The following RANBP9 variants were observed in gnomAD, a reference collection of about 807,000 sequenced individuals.
RANBP9 encodes the protein ran-binding protein 9.
Under a neutral mutation model 84.3 loss-of-function variants are expected in RANBP9, and 15 were observed. That is an observed-to-expected ratio of 0.18 (90% CI 0.12 to 0.27). RANBP9 has a LOEUF of 0.27. Among genes scored for constraint, RANBP9 ranks in the 10% least tolerant of loss-of-function variants. The pLI is 1.00. For synonymous variants in RANBP9, 392 were observed against 349.6 expected (o/e 1.12, Z -1.35); for missense variants, 809 against 912.8 (o/e 0.89, Z 1.46).
Position 13,658,795 on chromosome 6 carries a change from T to C in RANBP9, c.721A>G (p.Met241Val). 1 of 1,575,394 alleles carries C rather than the reference T, an allele frequency of 6.3e-7. No individual in the cohort carries two copies. Among genetic ancestry groups the C allele is most frequent in the Non-Finnish European group, 8.7e-7 (1 of 1,144,938 alleles). Residue 241 changes from methionine (M) to valine (V), a missense_variant, in exon 3 of 14, where the codon ATG (methionine) becomes GTG (valine). Physicochemically the swap from Met to Val is conservative, Grantham distance 21. Coordinates refer to ENST00000011619, the MANE Select transcript of RANBP9 (RefSeq NM_005493.3). ...GIGLSAQGVN[M>V]NRLPGWDKHS... is the part of the protein sequence containing the mutation. ...ACAAGTGTACCTGGTAGTCTATTCATGTTCACACCTTGAGCAGAAAGACCA... is the reference window on the plus strand; with the variant it reads ...ACAAGTGTACCTGGTAGTCTATTCACGTTCACACCTTGAGCAGAAAGACCA...
chr6:13,624,156 G>A (rs889953429), intron 13 of RANBP9, among the ~76,000 whole-genome samples: 11 of 151,972 alleles, frequency 7.2e-5, no homozygotes, highest in African/African-American at 1.5e-4. Context: ...CCTAAATTCC[G>A]GAGAACTACA....
chr6:13,705,868 C>CAAAAAAAAAAAAAAAAAAAAAA lies in RANBP9; in HGVS notation c.571+5066_571+5067insTTTTTTTTTTTTTTTTTTTTTT, dbSNP rs767070995. ...TGGGCGACAGAGCAAGACTCCGTCT[C>CAAAAAAAAAAAAAAAAAAAAAA]AAAAAAAAAAAAAAAAAAGAAACAT... On this transcript the variant is annotated intron_variant, in intron 1 of 13. Coordinates refer to ENST00000011619, the MANE Select transcript of RANBP9 (RefSeq NM_005493.3). 5.1e-3 allele frequency among the ~76,000 whole-genome samples: 390 copies of CAAAAAAAAAAAAAAAAAAAAAA among 76,610 alleles called. 3 individuals are homozygous for CAAAAAAAAAAAAAAAAAAAAAA. Among genetic ancestry groups the CAAAAAAAAAAAAAAAAAAAAAA allele is most frequent in the Middle Eastern group, 6.9e-3 (1 of 144 alleles). The allele number at this position is 76,610 out of a possible 152,430, so 50.3% of individuals were successfully genotyped here.
intron 2 of RANBP9, among the ~76,000 whole-genome samples, chr6:13,671,945 CCTCCAGAAAAA>C (rs1482494433): frequency 6.6e-6 from 1 of 152,072 alleles, no homozygotes; most frequent in Non-Finnish European, 1.5e-5. Context: ...GGTCACAACA[CCTCCAGAAAAA>C]CTGAAGAAAC....
chr6:13,626,532 G>T (rs1255019474), intron 12 of RANBP9, among the ~76,000 whole-genome samples: 2 of 152,170 alleles, frequency 1.3e-5, no homozygotes, highest in Non-Finnish European at 2.9e-5. Context: ...AGGACTAAAT[G>T]AAATTAGCAG....
At chr6:13,699,797 A>C (rs571201488) in intron 1 of RANBP9, among the ~76,000 whole-genome samples, 2 of 152,264 alleles carry the variant, frequency 1.3e-5, no homozygotes, top group East Asian at 3.9e-4. Flanking sequence ...GGGAGGCAGA[A>C]GTTGCAAGGG....
intron 12 of RANBP9, among the ~76,000 whole-genome samples, chr6:13,627,264 A>AC (rs1764634187): frequency 6.6e-6 from 1 of 152,038 alleles, no homozygotes; most frequent in African/African-American, 2.4e-5. Context: ...CCCTAACCCA[A>AC]CCCACACTTC....
At chr6:13,629,648 GGACTTTCCACAGTCCCTACAACAA>G (rs1764718954) in intron 12 of RANBP9, among the ~76,000 whole-genome samples, 1 of 152,000 alleles carries the variant, frequency 6.6e-6, no homozygotes. Context: ...CATTCATACT[GGACTTTCCACAGTCCCTACAACAA>G]TGCCTCTCCA....
chr6:13,702,067 C>T (rs557075847), intron 1 of RANBP9, among the ~76,000 whole-genome samples: 3 of 152,354 alleles, frequency 2.0e-5, no homozygotes, highest in East Asian at 1.9e-4. Context: ...GTACACTTTT[C>T]ACAAATTCTA....
chr6:13,640,447 T>C (rs1416718168), intron 8 of RANBP9, among the ~76,000 whole-genome samples: 1 of 152,188 alleles, frequency 6.6e-6, no homozygotes, highest in Non-Finnish European at 1.5e-5. Context: ...ACTCAGATAT[T>C]TGTACACCTA....
chr6:13,639,225 C>G (rs1765007689), intron 9 of RANBP9, among the ~76,000 whole-genome samples: 1 of 152,218 alleles, frequency 6.6e-6, no homozygotes, highest in African/African-American at 2.4e-5. Flanking sequence ...GTCACCCAGG[C>G]TGGAGTGCAG....
chr6:13,669,891 G>T (rs970922808), intron 2 of RANBP9, among the ~76,000 whole-genome samples: 10 of 152,016 alleles, frequency 6.6e-5, no homozygotes, highest in Non-Finnish European at 1.0e-4. Context: ...ACAGCATCTG[G>T]TAGATGAATT....
In RANBP9 at chr6:13,622,184, CCTAACA is replaced by C. The variant is rs1396629808; in HGVS notation, c.*172_*177del. 37 of 532,846 alleles carry C rather than the reference CCTAACA, an allele frequency of 6.9e-5. 1 individual carries two copies. Among genetic ancestry groups the C allele is most frequent in the South Asian group, 3.6e-4 (4 of 11,250 alleles). 33.0% of individuals were successfully genotyped at this position (532,846 alleles called of 1,614,324 possible). The stretch of plus-strand genomic sequence containing the variant: ...AGGTTAAAGATGGAAAATAATTTCT[CCTAACA>C]CTAAGTTAGAAAATCATTTGCATCA... On this transcript the variant is annotated 3_prime_UTR_variant, in exon 14 of 14. Coordinates refer to ENST00000011619, the MANE Select transcript of RANBP9 (RefSeq NM_005493.3).
At chr6:13,623,746 A>G (rs1175101575) in intron 13 of RANBP9, among the ~76,000 whole-genome samples, 2 of 152,230 alleles carry the variant, frequency 1.3e-5, no homozygotes, top group East Asian at 3.8e-4. Context: ...ATGCCCATCT[A>G]TAGCAGTTTA....
chr6:13,685,220 A>C (rs1464730876), intron 2 of RANBP9, among the ~76,000 whole-genome samples: 2 of 152,240 alleles, frequency 1.3e-5, no homozygotes, highest in Non-Finnish European at 2.9e-5. Context: ...AGAATAGTGA[A>C]AGAATTAAAA....
intron 1 of RANBP9, among the ~76,000 whole-genome samples, chr6:13,697,755 A>G (rs1757876048): frequency 6.6e-6 from 1 of 152,236 alleles, no homozygotes; most frequent in Non-Finnish European, 1.5e-5. Flanking sequence ...AAGTTGAAGT[A>G]GCATGTCAGA....
At chr6:13,655,445 C>T (rs1391259672) in intron 4 of RANBP9, among the ~76,000 whole-genome samples, 2 of 151,920 alleles carry the variant, frequency 1.3e-5, no homozygotes, top group South Asian at 2.1e-4. Flanking sequence ...CCTGCCTTGG[C>T]GACAGAAGGA....
chr6:13,675,738 A>C (rs1426333545), intron 2 of RANBP9, among the ~76,000 whole-genome samples: 2 of 151,828 alleles, frequency 1.3e-5, no homozygotes, highest in South Asian at 2.1e-4. Flanking sequence ...TAACCAACAA[A>C]AAAAAAACAC....
At position 13,711,583 on chromosome 6, in the gene RANBP9, C is replaced by A; in HGVS notation, c.-78G>T. 8.3e-7 allele frequency: 1 copy of A among 1,197,698 alleles called. No individual in the cohort carries two copies. Among genetic ancestry groups the A allele is most frequent in the Non-Finnish European group, 1.0e-6 (1 of 958,500 alleles). The allele number at this position is 1,197,698 out of a possible 1,614,324, so 74.2% of individuals were successfully genotyped here. On this transcript the variant is annotated 5_prime_UTR_variant, in exon 1 of 14. Transcript: ENST00000011619. The stretch of plus-strand genomic sequence containing the variant: ...CTGCTTCCCGGGGGCGCTGTCGCTG[C>A]GGCCGCCGGCACCAGGCGCCCAGTC...
chr6:13,683,708 T>C (rs898915041), intron 2 of RANBP9, among the ~76,000 whole-genome samples: 24 of 152,184 alleles, frequency 1.6e-4, no homozygotes, highest in African/African-American at 4.3e-4. Flanking sequence ...TTTCACAGGA[T>C]TTGTTTATTT....
Sources: allele counts gnomAD v4.1 joint callset (sites outside exome capture counted in the v4.1 genomes callset), GRCh38; gene constraint gnomAD v4.1.1; transcripts MANE v1.5; gene names NCBI Gene and HGNC (gene_info 2026-07-23, HGNC 2026-07-21).